Variants in NCAM1 observed in about 807,000 individuals in gnomAD.
NCAM1 encodes neural cell adhesion molecule 1, also known as antigen recognized by monoclonal antibody 5.1H11.
NCAM1 carries 14 observed loss-of-function variants against 109.8 expected under a neutral mutation model. That is an observed-to-expected ratio of 0.13 (90% CI 0.08 to 0.20). NCAM1 has a LOEUF of 0.20. NCAM1 is among the 10% of genes least tolerant of loss of function. The probability of loss-of-function intolerance (pLI) is 1.00; values close to 1 mark genes in which losing one functional copy is unlikely to be tolerated. For synonymous variants in NCAM1, 418 were observed against 442.9 expected (o/e 0.94, Z 0.70); for missense variants, 774 against 1,109.9 (o/e 0.70, Z 4.30).
intron 1 of NCAM1, among the ~76,000 whole-genome samples, chr11:113,086,372 C>T (rs772294894): frequency 2.6e-5 from 4 of 152,204 alleles, no homozygotes; most frequent in Non-Finnish European, 4.4e-5. Flanking sequence ...CTCAGACTCC[C>T]TGCCAATCTT....
At chr11:113,224,073 CGGACAGTGGGTTCA>C (rs1469860127) in intron 9 of NCAM1, among the ~76,000 whole-genome samples, 3 of 152,180 alleles carry the variant, frequency 2.0e-5, no homozygotes, top group African/African-American at 7.2e-5. Context: ...TGGGGACTGT[CGGACAGTGGGTTCA>C]GGACAGTGGG....
intron 1 of NCAM1, among the ~76,000 whole-genome samples, chr11:113,181,320 C>T (rs1001407659): frequency 6.6e-6 from 1 of 152,166 alleles, no homozygotes; most frequent in Non-Finnish European, 1.5e-5. Context: ...GGTAGGATGC[C>T]GGCTGTTTGG....
chr11:113,081,499 G>T (rs1200386851), intron 1 of NCAM1, among the ~76,000 whole-genome samples: 4 of 152,196 alleles, frequency 2.6e-5, no homozygotes, highest in Non-Finnish European at 5.9e-5. Flanking sequence ...TCTGCCTGCA[G>T]ATCTGCCGCA....
At chr11:113,165,236 T>G (rs1942749328) in intron 1 of NCAM1, among the ~76,000 whole-genome samples, 1 of 152,220 alleles carries the variant, frequency 6.6e-6, no homozygotes, top group Non-Finnish European at 1.5e-5. Flanking sequence ...GAAAGTCACT[T>G]AGAAAGAAAA....
intron 1 of NCAM1, among the ~76,000 whole-genome samples, chr11:113,030,938 TCTC>T (rs1952692956): frequency 6.6e-6 from 1 of 152,210 alleles, no homozygotes; most frequent in South Asian, 2.1e-4. Flanking sequence ...ACATACATCA[TCTC>T]CTACAATCCT....
chr11:113,228,536 C>T (rs1345969347), intron 9 of NCAM1, among the ~76,000 whole-genome samples: 14 of 152,270 alleles, frequency 9.2e-5, no homozygotes, highest in Admixed American at 2.6e-4. Flanking sequence ...AATGCCATCC[C>T]CATCAAGCTA....
intron 1 of NCAM1, among the ~76,000 whole-genome samples, chr11:113,083,802 CTT>C (rs1456672672): frequency 6.6e-6 from 1 of 152,102 alleles, no homozygotes; most frequent in Admixed American, 6.6e-5. Context: ...GTAGCAAGGG[CTT>C]TGTCTTTGAG....
intron 1 of NCAM1, among the ~76,000 whole-genome samples, chr11:113,129,537 CTGTGAGA>C (rs1941312615): frequency 6.6e-6 from 1 of 152,152 alleles, no homozygotes; most frequent in Admixed American, 6.5e-5. Flanking sequence ...TCAGTCACAG[CTGTGAGA>C]TGAACACAGG....
In NCAM1 at chr11:113,233,452, C is replaced by A; in HGVS notation, c.1693+135C>A. Reference sequence around the variant, plus strand: ...AGAATTAGGTCAAAGTCATATCTGCCTGTAGAGTTGTTGCCCCTATTGCCA... The same window carrying A: ...AGAATTAGGTCAAAGTCATATCTGCATGTAGAGTTGTTGCCCCTATTGCCA... On this transcript the variant is annotated intron_variant, in intron 13 of 19. Transcript: ENST00000316851. The surrounding 1 kb of genome is among the most constrained non-coding windows in gnomAD (Gnocchi z 4.5). 1 of 999,578 alleles carries A rather than the reference C, an allele frequency of 1.0e-6. No homozygotes were observed. Among genetic ancestry groups the A allele is most frequent in the Non-Finnish European group, 1.5e-6 (1 of 682,000 alleles). 61.9% of individuals were successfully genotyped at this position (999,578 alleles called of 1,614,324 possible). A position where few individuals can be genotyped will look rare whatever the true frequency, so the allele number is the denominator to read the frequency against.
intron 1 of NCAM1, among the ~76,000 whole-genome samples, chr11:113,016,998 T>C (rs1952223916): frequency 1.3e-5 from 2 of 152,340 alleles, no homozygotes; most frequent in African/African-American, 4.8e-5. Flanking sequence ...AGGAATTTGT[T>C]AGGTCTAAGA....
intron 1 of NCAM1, among the ~76,000 whole-genome samples, chr11:112,995,544 G>C (rs1170116375): frequency 2.0e-5 from 3 of 152,148 alleles, no homozygotes; most frequent in African/African-American, 7.2e-5. Flanking sequence ...TATTATGTAG[G>C]AATAGCCAGA....
At chr11:113,176,185 G>A (rs1943137947) in intron 1 of NCAM1, among the ~76,000 whole-genome samples, 1 of 152,114 alleles carries the variant, frequency 6.6e-6, no homozygotes, top group Non-Finnish European at 1.5e-5. Flanking sequence ...TGTTCATTCA[G>A]GTCCCTTCAC....
At chr11:113,090,407 A>G (rs11214481) in intron 1 of NCAM1, among the ~76,000 whole-genome samples, 10,911 of 152,264 alleles carry the variant, frequency 0.072, 741 homozygotes, top group Admixed American at 0.17. Context: ...AAGATTTAGA[A>G]CTACATAGCG....
In NCAM1 at chr11:113,007,901, G is replaced by A. The variant is rs548047650; in HGVS notation, c.52+46237G>A. Among the ~76,000 whole-genome samples, 5 of 152,294 alleles carry A rather than the reference G, an allele frequency of 3.3e-5. No individual in the cohort carries two copies. The South Asian group carries it at 1.0e-3, about 32-fold the overall frequency. ...GTTAGAGATACTGAATGAACTCATT[G>A]TTCTGATATTTTCTTTTGTACCTAA... On this transcript the variant is annotated intron_variant, in intron 1 of 19. Coordinates refer to ENST00000316851, the MANE Select transcript of NCAM1 (RefSeq NM_181351.5).
chr11:113,116,030 T>C (rs1362286576), intron 1 of NCAM1, among the ~76,000 whole-genome samples: 9 of 152,194 alleles, frequency 5.9e-5, no homozygotes, highest in African/African-American at 1.9e-4. Flanking sequence ...GACACAGGTT[T>C]ACGGCAAATA....
At chr11:113,251,181 G>C (rs558603879) in intron 15 of NCAM1, among the ~76,000 whole-genome samples, 23 of 152,174 alleles carry the variant, frequency 1.5e-4, no homozygotes, top group Non-Finnish European at 3.2e-4. Flanking sequence ...TTGGTGCTCG[G>C]GCTCCTTTGA....
At chr11:113,000,191 C>T (rs77879723) in intron 1 of NCAM1, among the ~76,000 whole-genome samples, 1,525 of 152,254 alleles carry the variant, frequency 0.01, 24 homozygotes, top group African/African-American at 0.034. Flanking sequence ...TTCTTTGAGT[C>T]TGTCTTATAA....
intron 1 of NCAM1, among the ~76,000 whole-genome samples, chr11:113,015,873 T>C (rs1555075191): frequency 6.6e-6 from 1 of 152,192 alleles, no homozygotes; most frequent in Non-Finnish European, 1.5e-5. Flanking sequence ...TCTTAGGATG[T>C]TTGTCATAAA....
At chr11:113,000,087 C>A (rs1202531576) in intron 1 of NCAM1, among the ~76,000 whole-genome samples, 1 of 152,028 alleles carries the variant, frequency 6.6e-6, no homozygotes, top group Non-Finnish European at 1.5e-5. Flanking sequence ...TATTCTGCCA[C>A]TGATTAATTA....
Sources: allele counts gnomAD v4.1 joint callset (sites outside exome capture counted in the v4.1 genomes callset), GRCh38; gene constraint gnomAD v4.1.1; non-coding constraint Gnocchi (gnomAD v3.1); transcripts MANE v1.5; gene names NCBI Gene and HGNC (gene_info 2026-07-23, HGNC 2026-07-21).